Variants in ZMYM4 observed in about 807,000 individuals in gnomAD.
ZMYM4 encodes the protein zinc finger MYM-type protein 4.
A neutral mutation model predicts 183.2 loss-of-function variants in ZMYM4; 31 were observed. That is an observed-to-expected ratio of 0.17 (90% CI 0.13 to 0.23). The LOEUF (loss-of-function observed/expected upper bound fraction) is 0.23. Ranked by LOEUF, ZMYM4 falls within the 10% of genes least tolerant of loss-of-function variation. The pLI is 1.00. For missense variants in ZMYM4, 1,273 were observed against 1,840.3 expected, an observed-to-expected ratio of 0.69 and a Z score of 5.64; for synonymous variants, 592 against 631.2, an observed-to-expected ratio of 0.94 and a Z score of 0.93.
Position 35,387,034 on chromosome 1 carries a change from C to A in ZMYM4, c.1868C>A (p.Ser623Tyr). ...TTCAACAAACCAACTGGAATGAATT[C>A]TTCAGTAGTGCCCTTGTCTCAGGGC... ...NLFNKPTGMN[S>Y]SVVPLSQGQV... is the part of the protein sequence containing the mutation. Residue 623 changes from serine to tyrosine, a missense_variant, in exon 12 of 30, where the codon TCT (serine) becomes TAT (tyrosine). Coordinates refer to ENST00000314607, the MANE Select transcript of ZMYM4 (RefSeq NM_005095.3). The A allele has an allele frequency of 6.2e-7, 1 of 1,614,128 alleles. No individual in the cohort carries two copies.
chr1:35,393,759 T>C lies in ZMYM4; in HGVS notation c.2911+20T>C. 1 of 1,561,910 alleles carries C rather than the reference T, an allele frequency of 6.4e-7. No individual in the cohort carries two copies. Among genetic ancestry groups the C allele is most frequent in the Non-Finnish European group, 8.6e-7 (1 of 1,157,798 alleles). On this transcript the variant is annotated intron_variant, in intron 18 of 29. Transcript: ENST00000314607. ...AGACAGGTATGTTCCTTGGTCTTTC[T>C]TTCTTTATTAATTTTTTAAGGGAAA...
At position 35,354,727 on chromosome 1, in the gene ZMYM4, TAAAAAA is replaced by T. The variant is rs57493035; in HGVS notation, c.86-4174_86-4169del. On this transcript the variant is annotated intron_variant, in intron 2 of 29. Coordinates refer to ENST00000314607, the MANE Select transcript of ZMYM4 (RefSeq NM_005095.3). ...GGGCGACAGAGTGAAACTTTGTCTT[TAAAAAA>T]AAAAAAAAAAAAAAAAAAAAAAAGT... Among the ~76,000 whole-genome samples the T allele has an allele frequency of 3.2e-3, 266 of 84,040 alleles. 2 individuals are homozygous for T. Among genetic ancestry groups the T allele is most frequent in the African/African-American group, 0.015 (253 of 17,172 alleles). The allele number at this position is 84,040 out of a possible 152,430, so 55.1% of individuals were successfully genotyped here.
At chr1:35,358,850 A>G in intron 2 of ZMYM4, 75 bp from the exon 3 acceptor site, 1 of 1,253,940 alleles carries the variant, frequency 8.0e-7, no homozygotes, top group Non-Finnish European at 1.1e-6. Context: ...TTATTTGGTT[A>G]AATACCAGAC....
At chr1:35,323,667 C>T (rs928493312) in intron 1 of ZMYM4, among the ~76,000 whole-genome samples, 1 of 152,074 alleles carries the variant, frequency 6.6e-6, no homozygotes, top group Non-Finnish European at 1.5e-5. Flanking sequence ...ATTCTCCTGC[C>T]TCAGCCTCCT....
intron 1 of ZMYM4, among the ~76,000 whole-genome samples, chr1:35,318,726 G>C (rs1400586199): frequency 1.3e-5 from 2 of 152,150 alleles, no homozygotes; most frequent in Non-Finnish European, 2.9e-5. Flanking sequence ...CCAAAGTGCT[G>C]GGATTACAGG....
chr1:35,319,784 A>G (rs532565680), intron 1 of ZMYM4, among the ~76,000 whole-genome samples: 19 of 152,200 alleles, frequency 1.2e-4, no homozygotes, highest in Non-Finnish European at 2.6e-4. Flanking sequence ...AGGAATAGGA[A>G]TAGGATTGGA....
At chr1:35,371,552 T>A (rs187614051) in intron 7 of ZMYM4, among the ~76,000 whole-genome samples, 106 of 152,330 alleles carry the variant, frequency 7.0e-4, no homozygotes, top group African/African-American at 2.1e-3. Context: ...TAACTTTGAC[T>A]AATTTTATGA....
intron 1 of ZMYM4, among the ~76,000 whole-genome samples, chr1:35,307,477 AAAAAAAAATTTTAATTGTTT>A (rs1003913918): frequency 1.3e-5 from 2 of 150,706 alleles, no homozygotes; most frequent in Admixed American, 6.6e-5. Context: ...GCAGTACTTT[AAAAAAAAATTTTAATTGTTT>A]AAAAAAAATT....
In ZMYM4 at chr1:35,282,979, G is replaced by GTTTTTTTTTTTT; in HGVS notation, c.39+13894_39+13895insTTTTTTTTTTTT. Among the ~76,000 whole-genome samples the GTTTTTTTTTTTT allele has an allele frequency of 4.6e-5, 2 of 43,274 alleles. 1 individual carries two copies. Among genetic ancestry groups the GTTTTTTTTTTTT allele is most frequent in the Admixed American group, 5.1e-4 (2 of 3,938 alleles). 28.4% of individuals were successfully genotyped at this position (43,274 alleles called of 152,430 possible). ...AATACTTGTTGTTTTCTGTGTGTGT[G>GTTTTTTTTTTTT]GTTTTTTTTTTTTTTTTTTTTTTTT... On this transcript the variant is annotated intron_variant, in intron 1 of 29. Coordinates refer to ENST00000314607, the MANE Select transcript of ZMYM4 (RefSeq NM_005095.3).
In ZMYM4 at chr1:35,285,066, C is replaced by G. The variant is rs531568589; in HGVS notation, c.39+15981C>G. Among the ~76,000 whole-genome samples the G allele has an allele frequency of 8.8e-4, 134 of 152,040 alleles. 4 individuals carry two copies. In the South Asian group the frequency reaches 0.025, roughly 29 times the overall value. ...TGCCTGTTCTTGTGTCAGTACTACA[C>G]TGTTTTGATTACTGTAGCTTTGTAG... On this transcript the variant is annotated intron_variant, in intron 1 of 29. Transcript: ENST00000314607.
Position 35,356,891 on chromosome 1 carries a change from A to G in ZMYM4, c.86-2034A>G, listed in dbSNP as rs572239021. 1.4e-4 allele frequency among the ~76,000 whole-genome samples: 22 copies of G among 151,986 alleles called. 1 individual carries two copies. In the East Asian group the frequency reaches 4.0e-3, roughly 28 times the overall value. ...ACTTGAGCAAAGCTCAGAAAAAAAA[A>G]AGAAAGAAACAGGGGGTTGCCCTGT... On this transcript the variant is annotated intron_variant, in intron 2 of 29. Coordinates refer to ENST00000314607, the MANE Select transcript of ZMYM4 (RefSeq NM_005095.3).
chr1:35,375,441 A>G (rs772524633), intron 7 of ZMYM4, among the ~76,000 whole-genome samples: 1 of 152,180 alleles, frequency 6.6e-6, no homozygotes, highest in Non-Finnish European at 1.5e-5. Context: ...CTAGCTGGTT[A>G]ATTTTGGCAT....
intron 20 of ZMYM4, 68 bp from the exon 21 acceptor site, chr1:35,398,345 G>A: frequency 1.5e-6 from 2 of 1,373,292 alleles, no homozygotes; most frequent in East Asian, 2.3e-5. Context: ...ATATAGTGCA[G>A]TCATTTCATT....
At position 35,270,788 on chromosome 1, in the gene ZMYM4, CA is replaced by C. The variant is rs890291927; in HGVS notation, c.39+1713del. ...GGAGGCACTGTCTCAAAACCCCCTC[CA>C]AAAAAAAAATTGCATTCCACTTGTT... On this transcript the variant is annotated intron_variant, in intron 1 of 29. Transcript: ENST00000314607. Among the ~76,000 whole-genome samples, 9 of 148,256 alleles carry C rather than the reference CA, an allele frequency of 6.1e-5. 1 individual carries two copies. The highest frequency in any genetic ancestry group is 2.0e-4 in the Admixed American group (3 of 14,874).
chr1:35,301,652 G>T (rs146279136), intron 1 of ZMYM4, among the ~76,000 whole-genome samples: 12 of 151,994 alleles, frequency 7.9e-5, no homozygotes, highest in African/African-American at 2.9e-4. Flanking sequence ...TTTTTCTGGT[G>T]ACTGTTTCAC....
Position 35,415,680 on chromosome 1 carries a change from C to G in ZMYM4, c.4275C>G (p.Phe1425Leu). ...GTACCAAGATGACATATCTGAGGTT[C>G]TTCCCACCTTTACAGAAGCAGGAGT... is the stretch of plus-strand genomic sequence containing the variant. Reference protein sequence around the residue: ...KYSTKMTYLRFFPPLQKQESE... With the variant: ...KYSTKMTYLRLFPPLQKQESE... The change falls in exon 28 of 30, where the codon TTC becomes TTG. Residue 1425 changes from phenylalanine (F) to leucine (L), a missense_variant. Phe to Leu is a conservative substitution (Grantham distance 22). Transcript: ENST00000314607. 2 of 1,613,720 alleles carry G rather than the reference C, an allele frequency of 1.2e-6. No individual in the cohort carries two copies. Among genetic ancestry groups the G allele is most frequent in the Non-Finnish European group, 8.5e-7 (1 of 1,180,030 alleles).
rs1218337414 is a variant in ZMYM4 at position 35,381,381 on chromosome 1, T to C, written c.1304T>C (p.Ile435Thr). The C allele has an allele frequency of 6.2e-7, 1 of 1,611,820 alleles. No individual in the cohort carries two copies. The highest frequency in any genetic ancestry group is 1.1e-5 in the South Asian group (1 of 90,744). The change falls in exon 8 of 30, where the codon ATA becomes ACA. Residue 435 changes from isoleucine to threonine, a missense_variant. Physicochemically the swap from Ile to Thr is moderately conservative, Grantham distance 89 (BLOSUM62 -1). Transcript: ENST00000314607. ...YELKKKPIVT[I>T]NTNSISTKCS... ...CTGAAAAAAAAACCTATTGTTACCA[T>C]AAATACAAATAGTATTTCAACCAAA...
chr1:35,299,399 A>T (rs753541872), intron 1 of ZMYM4, among the ~76,000 whole-genome samples: 3 of 152,166 alleles, frequency 2.0e-5, no homozygotes, highest in Non-Finnish European at 4.4e-5. Context: ...TAAACTTCAC[A>T]GTGTGGGAGC....
intron 7 of ZMYM4, among the ~76,000 whole-genome samples, chr1:35,374,632 C>T (rs1246998610): frequency 6.7e-6 from 1 of 149,936 alleles, no homozygotes; most frequent in South Asian, 2.1e-4. Context: ...GAGACCTGGT[C>T]CCCCCCAGCT....
Sources: gnomAD v4.1 joint callset for allele counts (sites outside exome capture counted in the v4.1 genomes callset) on GRCh38, gnomAD v4.1.1 for gene constraint, MANE v1.5 for transcripts, NCBI Gene and HGNC (gene_info 2026-07-23, HGNC 2026-07-21) for gene names.